MKNK2: variants seen among roughly 807,000 people sequenced by gnomAD.
MKNK2 encodes MAPK interacting serine/threonine kinase 2.
A neutral mutation model predicts 55.0 loss-of-function variants in MKNK2; 54 were observed. The ratio of observed to expected loss-of-function variants is 0.98; its 90% CI spans 0.79 to 1.23. MKNK2 has a LOEUF of 1.23. MKNK2 is among the 50% of genes most tolerant of loss of function. The pLI is 0.00. For synonymous variants in MKNK2, 323 were observed against 256.0 expected (o/e 1.26, Z -2.50); for missense variants, 685 against 632.1 (o/e 1.08, Z -0.90).
At chr19:2,046,826 C>T in intron 2 of MKNK2, 135 bp from the exon 3 acceptor site, 1 of 654,572 alleles carries the variant, frequency 1.5e-6, no homozygotes, top group Non-Finnish European at 2.5e-6. Context: ...TCAACTCCGT[C>T]CCCGCTCACA....
rs891260267 is a variant in MKNK2 at position 2,050,673 on chromosome 19, C to A, written c.51+128G>T. The A allele has an allele frequency of 9.5e-6, 8 of 844,256 alleles. No homozygotes were observed. In the African/African-American group the frequency reaches 1.3e-4, roughly 13 times the overall value. 52.3% of individuals were successfully genotyped at this position (844,256 alleles called of 1,614,324 possible). On this transcript the variant is annotated intron_variant, in intron 2 of 13. Coordinates refer to ENST00000250896, the MANE Select transcript of MKNK2 (RefSeq NM_199054.3). The stretch of plus-strand genomic sequence containing the variant: ...TTCAGCGCACGGCCGGCCCGGGCAG[C>A]CCCGGGTGTAGGGCGGGGGCCAGGC...
intron 5 of MKNK2, among the ~76,000 whole-genome samples, chr19:2,044,140 C>CA (rs1453492749): frequency 2.6e-5 from 4 of 151,780 alleles, no homozygotes; most frequent in Non-Finnish European, 5.9e-5. Context: ...GACCCAGAGA[C>CA]AGTCAGCTGT....
chr19:2,040,441 C>A lies in MKNK2; in HGVS notation c.1111-264G>T, dbSNP rs535977733. On this transcript the variant is annotated intron_variant, in intron 12 of 13. Transcript: ENST00000250896. ...GGACCCAGTGAGGGTGGGGGCAGAG[C>A]CCCAAGCCCCATCTCTCCCGGCTGT... 32 of 479,102 alleles carry A rather than the reference C, an allele frequency of 6.7e-5. 1 individual carries two copies. Among genetic ancestry groups the A allele is most frequent in the Non-Finnish European group, 1.1e-4 (30 of 271,586 alleles). The allele number at this position is 479,102 out of a possible 1,614,324, so 29.7% of individuals were successfully genotyped here. A position where few individuals can be genotyped will look rare whatever the true frequency, so the allele number is the denominator to read the frequency against.
intron 11 of MKNK2, 140 bp from the exon 12 acceptor site, chr19:2,041,344 A>C: frequency 1.2e-6 from 1 of 819,132 alleles, no homozygotes; most frequent in Non-Finnish European, 1.9e-6. Flanking sequence ...GGGGGCTGGG[A>C]GCCGGACCAG....
Position 2,041,864 on chromosome 19 carries a change from G to A in MKNK2, c.921C>T (p.Arg307=), listed in dbSNP as rs781759273. Residue 307 remains arginine, a synonymous_variant, in exon 11 of 14, where the codon CGC becomes CGT. Coordinates refer to ENST00000250896, the MANE Select transcript of MKNK2 (RefSeq NM_199054.3). ...CCTGGCAGGCAGGGCAGGCCTCGCC[G>A]CGGTCCCAGCCGCAGTCGCTGCCAC... ...GRCGSDCGWD[R]GEACPACQNM... is the part of the protein sequence containing the mutation. 3 of 1,536,952 alleles carry A rather than the reference G, an allele frequency of 2.0e-6. No homozygotes were observed. Among genetic ancestry groups the A allele is most frequent in the African/African-American group, 1.4e-5 (1 of 71,866 alleles).
chr19:2,039,241 C>T lies in MKNK2; in HGVS notation c.*372G>A. 1 of 1,099,140 alleles carries T rather than the reference C, an allele frequency of 9.1e-7. No homozygotes were observed. The highest frequency in any genetic ancestry group is 1.1e-6 in the Non-Finnish European group (1 of 899,148). The allele number at this position is 1,099,140 out of a possible 1,614,324, so 68.1% of individuals were successfully genotyped here. ...TGGCAAACGCTGTGGGCCTGCTCTCCTGAGTCACTGCAAGCCACGTGGGCA... is the reference window on the plus strand; with the variant it reads ...TGGCAAACGCTGTGGGCCTGCTCTCTTGAGTCACTGCAAGCCACGTGGGCA... On this transcript the variant is annotated 3_prime_UTR_variant, in exon 14 of 14. Coordinates refer to ENST00000250896, the MANE Select transcript of MKNK2 (RefSeq NM_199054.3).
At position 2,039,624 on chromosome 19, in the gene MKNK2, C is replaced by A; in HGVS notation, c.1387G>T (p.Asp463Tyr). The change falls in exon 14 of 14, where the codon GAC becomes TAC. Residue 463 changes from aspartate (D) to tyrosine (Y), a missense_variant. Asp to Tyr is a radical substitution (Grantham distance 160). Coordinates refer to ENST00000250896, the MANE Select transcript of MKNK2 (RefSeq NM_199054.3). ...GGGAGATGGGAGGGTCAGGCGTGGT[C>A]TCCCACCAGGACCACTGGGGCCGAG... is the stretch of plus-strand genomic sequence containing the variant. ...LSSAPVVLVG[D>Y]HA 1 of 1,611,840 alleles carries A rather than the reference C, an allele frequency of 6.2e-7. No individual in the cohort carries two copies. Among genetic ancestry groups the A allele is most frequent in the Non-Finnish European group, 8.5e-7 (1 of 1,179,304 alleles).
chr19:2,040,144 C>G lies in MKNK2; in HGVS notation c.1144G>C (p.Val382Leu). 5 of 1,592,916 alleles carry G rather than the reference C, an allele frequency of 3.1e-6. No homozygotes were observed. Among genetic ancestry groups the G allele is most frequent in the Non-Finnish European group, 4.3e-6 (5 of 1,171,544 alleles). ...CCCTGCGGGCCTTACCTCTGCAGGA[C>G]CATGGGAGTGGGCAAGGTGTTCTCC... Reference protein sequence around the residue: ...APENTLPTPMVLQRNSCAKDL... With the variant: ...APENTLPTPMLLQRNSCAKDL... Residue 382 changes from valine (V) to leucine (L), a missense_variant, in exon 13 of 14, where the codon GTC becomes CTC. Physicochemically the swap from Val to Leu is conservative, Grantham distance 32. Coordinates refer to ENST00000250896, the MANE Select transcript of MKNK2 (RefSeq NM_199054.3).
intron 1 of MKNK2, 73 bp downstream of exon 1, chr19:2,051,023 G>T (rs2017107274): frequency 5.1e-6 from 2 of 390,340 alleles, no homozygotes; most frequent in Non-Finnish European, 8.9e-6. Flanking sequence ...GGCGGGGGCG[G>T]CGAGGGCTCC....
In MKNK2 at chr19:2,037,779, C is replaced by T. The variant is rs148990484; in HGVS notation, c.*1834G>A. On this transcript the variant is annotated 3_prime_UTR_variant, in exon 14 of 14. Coordinates refer to ENST00000250896, the MANE Select transcript of MKNK2 (RefSeq NM_199054.3). ...AACGGTTCTGACCAGTCCTCCAGGTCGCACGTGGATGCGACAGGGGTGGGG... is the reference window on the plus strand; with the variant it reads ...AACGGTTCTGACCAGTCCTCCAGGTTGCACGTGGATGCGACAGGGGTGGGG... 3.7e-5 allele frequency: 59 copies of T among 1,606,526 alleles called. No individual in the cohort carries two copies. The African/African-American group carries it at 5.0e-4, about 14-fold the overall frequency.
chr19:2,037,640 T>C lies in MKNK2; in HGVS notation c.*1973A>G. The C allele has an allele frequency of 1.1e-6, 1 of 918,008 alleles. No homozygotes were observed. The highest frequency in any genetic ancestry group is 1.5e-6 in the Non-Finnish European group (1 of 675,268). 56.9% of individuals were successfully genotyped at this position (918,008 alleles called of 1,614,324 possible). A position where few individuals can be genotyped will look rare whatever the true frequency, so the allele number is the denominator to read the frequency against. On this transcript the variant is annotated 3_prime_UTR_variant, in exon 14 of 14. Coordinates refer to ENST00000250896, the MANE Select transcript of MKNK2 (RefSeq NM_199054.3). ...TAAAAAAACTTTTGAGGTTTTTTTT[T>C]TTTTTTTGTCTTTTAAAAACATCGT...
intron 11 of MKNK2, 31 bp from the exon 12 acceptor site, chr19:2,041,235 C>G (rs1277251746): frequency 1.3e-6 from 2 of 1,594,228 alleles, no homozygotes; most frequent in Non-Finnish European, 1.7e-6. Flanking sequence ...GGAGCTTAGA[C>G]CTGCCCAAGG....
In MKNK2 at chr19:2,038,909, G is replaced by A; in HGVS notation, c.*704C>T. 4.1e-6 allele frequency: 4 copies of A among 985,574 alleles called. No homozygotes were observed. Among genetic ancestry groups the A allele is most frequent in the Non-Finnish European group, 4.8e-6 (4 of 829,708 alleles). 61.1% of individuals were successfully genotyped at this position (985,574 alleles called of 1,614,324 possible). ...CTGCAGTTTAAGGTCAAGGTCGGAG[G>A]CCGAATCTGGCCACCAGGAGTCCTG... On this transcript the variant is annotated 3_prime_UTR_variant, in exon 14 of 14. Coordinates refer to ENST00000250896, the MANE Select transcript of MKNK2 (RefSeq NM_199054.3).
chr19:2,038,276 A>T lies in MKNK2; in HGVS notation c.*1337T>A. On this transcript the variant is annotated 3_prime_UTR_variant, in exon 14 of 14. Transcript: ENST00000250896. ...TTTTTTAAGGAAAAACTAAAAAACT[A>T]AACAGGAGGAAGAATCCCGACCGCG... is the stretch of plus-strand genomic sequence containing the variant. 1 of 987,138 alleles carries T rather than the reference A, an allele frequency of 1.0e-6. No individual in the cohort carries two copies. Among genetic ancestry groups the T allele is most frequent in the Non-Finnish European group, 1.2e-6 (1 of 830,832 alleles). 61.1% of individuals were successfully genotyped at this position (987,138 alleles called of 1,614,324 possible). A position where few individuals can be genotyped will look rare whatever the true frequency, so the allele number is the denominator to read the frequency against.
At chr19:2,040,299 G>A (rs2016848501) in intron 12 of MKNK2, 122 bp from the exon 13 acceptor site, 9 of 892,742 alleles carry the variant, frequency 1.0e-5, no homozygotes, top group Admixed American at 3.1e-5. Flanking sequence ...CCGGAGACCA[G>A]GAGTGCACCT....
chr19:2,038,462 G>A lies in MKNK2; in HGVS notation c.*1151C>T, dbSNP rs1415991352. ...GGGCAGCAGGCTCCGCAGCCCCCGGGGGTTGGAGCATGGAGGGTGGGGGGA... is the reference window on the plus strand; with the variant it reads ...GGGCAGCAGGCTCCGCAGCCCCCGGAGGTTGGAGCATGGAGGGTGGGGGGA... On this transcript the variant is annotated 3_prime_UTR_variant, in exon 14 of 14. Transcript: ENST00000250896. 1.0e-6 allele frequency: 1 copy of A among 985,450 alleles called. No homozygotes were observed. Among genetic ancestry groups the A allele is most frequent in the Non-Finnish European group, 1.2e-6 (1 of 829,926 alleles). 61.0% of individuals were successfully genotyped at this position (985,450 alleles called of 1,614,324 possible). A position where few individuals can be genotyped will look rare whatever the true frequency, so the allele number is the denominator to read the frequency against.
At chr19:2,046,165 C>T in intron 5 of MKNK2, 21 bp downstream of exon 5, 1 of 1,605,382 alleles carries the variant, frequency 6.2e-7, no homozygotes, top group Non-Finnish European at 8.5e-7. Flanking sequence ...CTGGGTTCCC[C>T]AGGGCGCGGC....
At chr19:2,042,704 G>C (rs201595763) in intron 8 of MKNK2, 42 bp from the exon 9 acceptor site, 85 of 1,551,936 alleles carry the variant, frequency 5.5e-5, no homozygotes, top group Non-Finnish European at 7.9e-6. Flanking sequence ...TGAGGGTCTG[G>C]AGGTCTTCCA....
chr19:2,040,608 G>A (rs976865612), intron 12 of MKNK2: 2 of 265,396 alleles, frequency 7.5e-6, no homozygotes. Flanking sequence ...TCACTCCCTG[G>A]GGTGGCAGCT....
Sources: allele counts gnomAD v4.1 joint callset (sites outside exome capture counted in the v4.1 genomes callset), GRCh38; gene constraint gnomAD v4.1.1; transcripts MANE v1.5; gene names NCBI Gene and HGNC (gene_info 2026-07-23, HGNC 2026-07-21).